ARPP21: variants seen among roughly 807,000 people sequenced by gnomAD.
ARPP21 encodes cAMP-regulated phosphoprotein 21.
A neutral mutation model predicts 113.2 loss-of-function variants in ARPP21; 69 were observed. The ratio of observed to expected loss-of-function variants is 0.61; its 90% CI spans 0.50 to 0.74. The LOEUF (loss-of-function observed/expected upper bound fraction) is 0.74, where lower values mean the gene tolerates loss of function less well. ARPP21 is among the 30% of genes least tolerant of loss of function. The pLI is 0.00. For synonymous variants in ARPP21, 368 were observed against 375.5 expected (o/e 0.98, Z 0.23); for missense variants, 1,070 against 1,037.4 (o/e 1.03, Z -0.43).
rs558308694 is a variant in ARPP21 at position 35,640,069 on chromosome 3, C to A, written c.-542C>A. 4 of 152,378 alleles carry A rather than the reference C, an allele frequency of 2.6e-5. No individual in the cohort carries two copies. Among genetic ancestry groups the A allele is most frequent in the African/African-American group, 9.7e-5 (4 of 41,434 alleles). 9.4% of individuals were successfully genotyped at this position (152,378 alleles called of 1,614,324 possible). ...GAAGGCGGCGGTGGCACCTTCTGAG[C>A]GCGTCCGGAGCAGAGACCAGCAGCA... is the stretch of plus-strand genomic sequence containing the variant. On this transcript the variant is annotated 5_prime_UTR_variant, in exon 1 of 21. Transcript: ENST00000684406.
chr3:35,775,897 A>C (rs1163765954), intron 19 of ARPP21, among the ~76,000 whole-genome samples: 1 of 152,180 alleles, frequency 6.6e-6, no homozygotes, highest in Non-Finnish European at 1.5e-5. Context: ...ATTAGAAACA[A>C]AACACAAAGA....
At chr3:35,739,641 T>C (rs2094541095) in intron 18 of ARPP21, 64 bp downstream of exon 18, 14 of 1,523,114 alleles carry the variant, frequency 9.2e-6, no homozygotes, top group Non-Finnish European at 1.1e-5. Context: ...ACCTTTATCT[T>C]TCTATGTAGA....
At position 35,712,561 on chromosome 3, in the gene ARPP21, T is replaced by TGTGTGA. The variant is rs1488053337; in HGVS notation, c.898-2877_898-2876insTGTGAG. On this transcript the variant is annotated intron_variant, in intron 11 of 20. Transcript: ENST00000684406. ...GTGTGTGTGTGTGTGTGTGTGTGTG[T>TGTGTGA]GAAAGAGAGAGAGTGTGTGTGTGTA... Among the ~76,000 whole-genome samples the TGTGTGA allele has an allele frequency of 1.4e-3, 197 of 143,648 alleles. 3 individuals are homozygous for TGTGTGA. Among genetic ancestry groups the TGTGTGA allele is most frequent in the East Asian group, 3.9e-3 (19 of 4,890 alleles). 94.2% of individuals were successfully genotyped at this position (143,648 alleles called of 152,430 possible). A position where few individuals can be genotyped will look rare whatever the true frequency, so the allele number is the denominator to read the frequency against.
chr3:35,737,876 C>G (rs1030963257), intron 16 of ARPP21, among the ~76,000 whole-genome samples: 2 of 152,180 alleles, frequency 1.3e-5, no homozygotes, highest in African/African-American at 2.4e-5. Flanking sequence ...TCCATAGAAA[C>G]CTGAAGTGTT....
At chr3:35,695,848 G>T (rs768248812) in intron 9 of ARPP21, among the ~76,000 whole-genome samples, 1 of 151,450 alleles carries the variant, frequency 6.6e-6, no homozygotes, top group Non-Finnish European at 1.5e-5. Flanking sequence ...CTAATGAAAA[G>T]GATTTTTTAA....
chr3:35,767,523 T>TG (rs1223560058), intron 19 of ARPP21, among the ~76,000 whole-genome samples: 7 of 152,156 alleles, frequency 4.6e-5, no homozygotes, highest in Non-Finnish European at 1.0e-4. Flanking sequence ...CCTCAATAGT[T>TG]CACTCCAAGC....
chr3:35,667,841 A>AAAGAAGAAGAAG (rs757542723), intron 1 of ARPP21, among the ~76,000 whole-genome samples: 959 of 81,458 alleles, frequency 0.012, 49 homozygotes, highest in South Asian at 0.021. Context: ...TTTTATTCTC[A>AAAGAAGAAGAAG]AAGAAGAAGA....
intron 19 of ARPP21, among the ~76,000 whole-genome samples, chr3:35,756,995 C>T (rs2095594138): frequency 6.6e-6 from 1 of 151,582 alleles, no homozygotes; most frequent in South Asian, 2.1e-4. Context: ...CTCATTTATG[C>T]ATGGGCAGTG....
intron 1 of ARPP21, among the ~76,000 whole-genome samples, chr3:35,656,898 A>G (rs1257938426): frequency 1.3e-5 from 2 of 152,106 alleles, no homozygotes; most frequent in Non-Finnish European, 2.9e-5. Context: ...AGGTAAAAGT[A>G]TCAATTTATA....
At chr3:35,663,544 G>T (rs995624771) in intron 1 of ARPP21, among the ~76,000 whole-genome samples, 7 of 152,172 alleles carry the variant, frequency 4.6e-5, no homozygotes, top group South Asian at 4.1e-4. Flanking sequence ...TGCCCTTCTT[G>T]TTCCAGAGAA....
chr3:35,663,787 G>T (rs1575555328), intron 1 of ARPP21, among the ~76,000 whole-genome samples: 1 of 152,156 alleles, frequency 6.6e-6, no homozygotes, highest in East Asian at 1.9e-4. Flanking sequence ...CACTGTCCCA[G>T]CTTGCCTGCT....
intron 19 of ARPP21, among the ~76,000 whole-genome samples, chr3:35,753,080 GAGAGAGAGAGAA>G (rs2095457733): frequency 6.7e-6 from 1 of 148,796 alleles, no homozygotes; most frequent in South Asian, 2.1e-4. Context: ...GTGTGTAAGT[GAGAGAGAGAGAA>G]AGAGAGAATA....
At chr3:35,667,773 A>C (rs1321006009) in intron 1 of ARPP21, among the ~76,000 whole-genome samples, 1 of 151,686 alleles carries the variant, frequency 6.6e-6, no homozygotes, top group Non-Finnish European at 1.5e-5. Context: ...TTGATGCAGT[A>C]TCACTCCAAA....
chr3:35,736,671 G>T (rs1418777892), intron 15 of ARPP21, among the ~76,000 whole-genome samples: 1 of 152,164 alleles, frequency 6.6e-6, no homozygotes, highest in South Asian at 2.1e-4. Flanking sequence ...ATGTTCCATT[G>T]TATATTTATT....
At chr3:35,658,311 T>C (rs1028416181) in intron 1 of ARPP21, among the ~76,000 whole-genome samples, 2 of 152,236 alleles carry the variant, frequency 1.3e-5, no homozygotes, top group Non-Finnish European at 2.9e-5. Context: ...TCTCTTTCTT[T>C]CTTCTTCCCT....
At chr3:35,663,475 C>T (rs1011371403) in intron 1 of ARPP21, among the ~76,000 whole-genome samples, 1 of 152,138 alleles carries the variant, frequency 6.6e-6, no homozygotes, top group Admixed American at 6.5e-5. Flanking sequence ...TAAATGTGCA[C>T]AAAATGGAGA....
chr3:35,707,095 G>C lies in ARPP21; in HGVS notation c.795+13G>C. 6.3e-7 allele frequency: 1 copy of C among 1,587,140 alleles called. No homozygotes were observed. Among genetic ancestry groups the C allele is most frequent in the Admixed American group, 1.7e-5 (1 of 59,232 alleles). On this transcript the variant is annotated intron_variant, in intron 10 of 20. Coordinates refer to ENST00000684406, the MANE Select transcript of ARPP21 (RefSeq NM_001385562.1). ...AGAAGACAATCAGGTTGGTTCTCAAGTTTGAGAGTGGCTGACATTGTTGTT... is the reference window on the plus strand; with the variant it reads ...AGAAGACAATCAGGTTGGTTCTCAACTTTGAGAGTGGCTGACATTGTTGTT...
At chr3:35,667,902 A>T (rs2074941884) in intron 1 of ARPP21, among the ~76,000 whole-genome samples, 1 of 98,148 alleles carries the variant, frequency 1.0e-5, no homozygotes, top group East Asian at 2.6e-4. Flanking sequence ...GAAGAGGAAG[A>T]GGAAGAGGAA....
At chr3:35,645,066 T>C (rs1699691027) in intron 1 of ARPP21, among the ~76,000 whole-genome samples, 1 of 151,930 alleles carries the variant, frequency 6.6e-6, no homozygotes, top group Non-Finnish European at 1.5e-5. Context: ...TATAATTATT[T>C]ATCAGTCATA....
Sources: gnomAD v4.1 joint callset for allele counts (sites outside exome capture counted in the v4.1 genomes callset) on GRCh38, gnomAD v4.1.1 for gene constraint, MANE v1.5 for transcripts, NCBI Gene and HGNC (gene_info 2026-07-23, HGNC 2026-07-21) for gene names.